The following SRSF12 variants were observed in gnomAD, a reference collection of about 807,000 sequenced individuals.
SRSF12 encodes serine and arginine rich splicing factor 12.
In SRSF12, 21 loss-of-function variants were observed where a neutral mutation model predicts 34.1. That is an observed-to-expected ratio of 0.62 (90% CI 0.44 to 0.89). The LOEUF (loss-of-function observed/expected upper bound fraction) is 0.89. Ranked by LOEUF, SRSF12 falls within the 40% of genes least tolerant of loss-of-function variation. The pLI, the probability that SRSF12 is intolerant of heterozygous loss-of-function variation, is 0.00. For synonymous variants in SRSF12, 111 were observed against 110.8 expected, an observed-to-expected ratio of 1.00 and a Z score of -0.01; for missense variants, 278 against 327.8, an observed-to-expected ratio of 0.85 and a Z score of 1.17.
chr6:89,099,426 G>GTGTATATATATACACATATATA (rs1562191889), intron 4 of SRSF12, among the ~76,000 whole-genome samples: 2 of 140,226 alleles, frequency 1.4e-5, no homozygotes, highest in African/African-American at 2.9e-5. Flanking sequence ...ATATATATAT[G>GTGTATATATATACACATATATA]TGTGTATATA....
At chr6:89,115,263 C>T (rs984694604) in intron 1 of SRSF12, among the ~76,000 whole-genome samples, 1 of 151,762 alleles carries the variant, frequency 6.6e-6, no homozygotes, top group African/African-American at 2.4e-5. Flanking sequence ...ATACACCAGG[C>T]TACATTTTAT....
At chr6:89,112,180 T>C (rs1313619097) in intron 1 of SRSF12, among the ~76,000 whole-genome samples, 1 of 151,972 alleles carries the variant, frequency 6.6e-6, no homozygotes, top group Non-Finnish European at 1.5e-5. Flanking sequence ...CCTCCCAAAG[T>C]GCTGGAATTA....
At chr6:89,103,557 G>A (rs947912690) in intron 4 of SRSF12, among the ~76,000 whole-genome samples, 4 of 152,206 alleles carry the variant, frequency 2.6e-5, no homozygotes, top group African/African-American at 9.6e-5. Flanking sequence ...TCGAACTCCT[G>A]ACCTCAGGTG....
chr6:89,108,709 A>T (rs1264826683), intron 1 of SRSF12, among the ~76,000 whole-genome samples: 1 of 152,224 alleles, frequency 6.6e-6, no homozygotes, highest in East Asian at 1.9e-4. Flanking sequence ...AGCAACTTTC[A>T]GGTTTAGAAA....
At position 89,099,039 on chromosome 6, in the gene SRSF12, A is replaced by T. The variant is rs1291490643; in HGVS notation, c.417-92T>A. 2.2e-6 allele frequency: 3 copies of T among 1,388,872 alleles called. No individual in the cohort carries two copies. In the East Asian group the frequency reaches 7.2e-5, roughly 33 times the overall value. The allele number at this position is 1,388,872 out of a possible 1,614,324, so 86.0% of individuals were successfully genotyped here. A position where few individuals can be genotyped will look rare whatever the true frequency, so the allele number is the denominator to read the frequency against. On this transcript the variant is annotated intron_variant, in intron 4 of 4. Transcript: ENST00000452027. ...CAGGAACTTACATACTTTACATAAC[A>T]TTAGTTATATTTTTACTAGATAAGC... is the stretch of plus-strand genomic sequence containing the variant.
chr6:89,112,447 C>CTTTT (rs760181452), intron 1 of SRSF12, among the ~76,000 whole-genome samples: 2 of 128,870 alleles, frequency 1.6e-5, no homozygotes, highest in Non-Finnish European at 3.4e-5. Flanking sequence ...TCTTTTCTTT[C>CTTTT]TTTTTTTTTT....
chr6:89,114,603 T>TA lies in SRSF12; in HGVS notation c.65+3219dup, dbSNP rs72183494. ...TTTGATTGTCTGCCAGTGGCAAAGC[T>TA]AAAAAAAAAAAAAAGTGAAAAAATG... On this transcript the variant is annotated intron_variant, in intron 1 of 4. Coordinates refer to ENST00000452027, the MANE Select transcript of SRSF12 (RefSeq NM_080743.5). Among the ~76,000 whole-genome samples, 153 of 134,068 alleles carry TA rather than the reference T, an allele frequency of 1.1e-3. 1 individual carries two copies. The highest frequency in any genetic ancestry group is 3.9e-3 in the Middle Eastern group (1 of 258). 88.0% of individuals were successfully genotyped at this position (134,068 alleles called of 152,430 possible). A position where few individuals can be genotyped will look rare whatever the true frequency, so the allele number is the denominator to read the frequency against.
Position 89,098,934 on chromosome 6 carries a change from G to A in SRSF12, c.430C>T (p.Arg144Ter), listed in dbSNP as rs374369058. 8 of 1,612,956 alleles carry A rather than the reference G, an allele frequency of 5.0e-6. No individual in the cohort carries two copies. Among genetic ancestry groups the A allele is most frequent in the African/African-American group, 1.3e-5 (1 of 74,958 alleles). ...SDSLKESRHRRFSYSQSKSRS... is the reference protein window; with the variant it reads ...SDSLKESRHR ...GATTTAGACTGGCTATAAGAAAATCGCCTGTGTCGAGACCTGCAAACATCC... is the reference window on the plus strand; with the variant it reads ...GATTTAGACTGGCTATAAGAAAATCACCTGTGTCGAGACCTGCAAACATCC... Residue 144 changes from arginine to a stop codon, truncating the protein, a stop_gained, in exon 5 of 5, where the codon CGA (arginine) becomes TGA (stop). Coordinates refer to ENST00000452027, the MANE Select transcript of SRSF12 (RefSeq NM_080743.5). LOFTEE classifies it high-confidence loss of function.
In SRSF12 at chr6:89,096,677, TATAG is replaced by T. The variant is rs975741272; in HGVS notation, c.*1897_*1900del. 3.3e-5 allele frequency: 5 copies of T among 152,170 alleles called. No individual in the cohort carries two copies. Among genetic ancestry groups the T allele is most frequent in the East Asian group, 1.9e-4 (1 of 5,180 alleles). The allele number at this position is 152,170 out of a possible 1,614,324, so 9.4% of individuals were successfully genotyped here. A position where few individuals can be genotyped will look rare whatever the true frequency, so the allele number is the denominator to read the frequency against. On this transcript the variant is annotated 3_prime_UTR_variant, in exon 5 of 5. Transcript: ENST00000452027. ...AATGGTACCTAGTTATTATTATTTT[TATAG>T]ATAAAGGGGTCTTGCTATGTTGCCC...
At chr6:89,105,289 A>G in intron 3 of SRSF12, 29 bp from the exon 4 acceptor site, 3 of 1,587,660 alleles carry the variant, frequency 1.9e-6, no homozygotes, top group East Asian at 2.3e-5. Flanking sequence ...GACTTATGAC[A>G]TAATTCGTTA....
intron 2 of SRSF12, among the ~76,000 whole-genome samples, chr6:89,106,266 C>T (rs1218549882): frequency 8.7e-6 from 1 of 115,460 alleles, no homozygotes; most frequent in African/African-American, 2.9e-5. Context: ...GTGCCCGGCA[C>T]CACACCCGGC....
At position 89,100,647 on chromosome 6, in the gene SRSF12, A is replaced by T. The variant is rs576835184; in HGVS notation, c.417-1700T>A. On this transcript the variant is annotated intron_variant, in intron 4 of 4. Coordinates refer to ENST00000452027, the MANE Select transcript of SRSF12 (RefSeq NM_080743.5). ...AATTTAAAAAATTACTATGAGTAATATATTTAAGAAAATAAGAGGAAAAGA... is the reference window on the plus strand; with the variant it reads ...AATTTAAAAAATTACTATGAGTAATTTATTTAAGAAAATAAGAGGAAAAGA... Among the ~76,000 whole-genome samples, 145 of 152,310 alleles carry T rather than the reference A, an allele frequency of 9.5e-4. 1 individual carries two copies. The highest frequency in any genetic ancestry group is 3.4e-3 in the African/African-American group (142 of 41,574).
At chr6:89,113,416 C>T (rs957962992) in intron 1 of SRSF12, among the ~76,000 whole-genome samples, 12 of 152,156 alleles carry the variant, frequency 7.9e-5, no homozygotes, top group African/African-American at 2.7e-4. Context: ...TCGTGATCCG[C>T]CCACTTTGGC....
At chr6:89,109,402 A>T (rs1445614447) in intron 1 of SRSF12, among the ~76,000 whole-genome samples, 1 of 152,182 alleles carries the variant, frequency 6.6e-6, no homozygotes. Flanking sequence ...ATGAAAAAAG[A>T]ATACATTACT....
chr6:89,107,904 C>CG (rs1470341339), intron 1 of SRSF12, among the ~76,000 whole-genome samples: 2 of 152,182 alleles, frequency 1.3e-5, no homozygotes, highest in East Asian at 3.8e-4. Context: ...ATATCCACCT[C>CG]TGAAAGTTAT....
rs990462406 is a variant in SRSF12, at chr6:89,117,729, C to T, written c.65+94G>A. 16 of 1,287,910 alleles carry T rather than the reference C, an allele frequency of 1.2e-5. No homozygotes were observed. In the Admixed American group the frequency reaches 2.3e-4, roughly 18 times the overall value. 79.8% of individuals were successfully genotyped at this position (1,287,910 alleles called of 1,614,324 possible). A position where few individuals can be genotyped will look rare whatever the true frequency, so the allele number is the denominator to read the frequency against. On this transcript the variant is annotated intron_variant, in intron 1 of 4. Transcript: ENST00000452027. ...CCCGCGGGGAGGCTCCGCGCAGCTC[C>T]CCCGAGCCTCCGCCGGGCCTCGGCC...
chr6:89,098,266 T>C lies in SRSF12; in HGVS notation c.*312A>G, dbSNP rs910406063. The C allele has an allele frequency of 2.9e-5, 7 of 241,052 alleles. No individual in the cohort carries two copies. Among genetic ancestry groups the C allele is most frequent in the Non-Finnish European group, 5.7e-5 (7 of 123,530 alleles). 14.9% of individuals were successfully genotyped at this position (241,052 alleles called of 1,614,324 possible). On this transcript the variant is annotated 3_prime_UTR_variant, in exon 5 of 5. Coordinates refer to ENST00000452027, the MANE Select transcript of SRSF12 (RefSeq NM_080743.5). ...TAAAAGGTATTATTAATAGTACTAA[T>C]ACTATGCAAGTAGAATTTTAAAAAT...
rs1382729918 is a variant in SRSF12, at chr6:89,097,800, T to C, written c.*778A>G. 6.6e-6 allele frequency: 1 copy of C among 152,232 alleles called. No homozygotes were observed. The highest frequency in any genetic ancestry group is 1.5e-5 in the Non-Finnish European group (1 of 68,038). 9.4% of individuals were successfully genotyped at this position (152,232 alleles called of 1,614,324 possible). A position where few individuals can be genotyped will look rare whatever the true frequency, so the allele number is the denominator to read the frequency against. On this transcript the variant is annotated 3_prime_UTR_variant, in exon 5 of 5. Coordinates refer to ENST00000452027, the MANE Select transcript of SRSF12 (RefSeq NM_080743.5). ...AATAATGGTATCAAATATGATTTTA[T>C]ACAAAATGTACCATTCTTCAAATGT...
At chr6:89,114,134 C>T (rs6454737) in intron 1 of SRSF12, among the ~76,000 whole-genome samples, 109,187 of 152,116 alleles carry the variant, frequency 0.72, 39,292 homozygotes, top group East Asian at 0.84. Context: ...ATGGGGTTAA[C>T]AAAGAACATA....
Sources: gnomAD v4.1 joint callset for allele counts (sites outside exome capture counted in the v4.1 genomes callset) on GRCh38, gnomAD v4.1.1 for gene constraint, MANE v1.5 for transcripts, NCBI Gene and HGNC (gene_info 2026-07-23, HGNC 2026-07-21) for gene names.